The following ARMH1 variants were observed in gnomAD, a reference collection of about 807,000 sequenced individuals.
ARMH1 encodes the protein armadillo-like helical domain containing protein 1.
Under a neutral mutation model 50.2 loss-of-function variants are expected in ARMH1, and 34 were observed. The observed-to-expected ratio is 0.68, with a 90% confidence interval of 0.51 to 0.90. ARMH1 has a LOEUF of 0.90. ARMH1 is among the 40% of genes least tolerant of loss of function. The pLI, the probability that ARMH1 is intolerant of heterozygous loss-of-function variation, is 0.00. For missense variants in ARMH1, 538 were observed against 553.9 expected, an observed-to-expected ratio of 0.97 and a Z score of 0.29; for synonymous variants, 221 against 224.2, an observed-to-expected ratio of 0.99 and a Z score of 0.13.
chr1:44,724,605 A>G lies in ARMH1; in HGVS notation c.987A>G (p.Leu329=), dbSNP rs538640801. ...ELLYLRVVRG[L]MAAMGNTDHS... ...TGTACCTGCGCGTGGTGCGTGGCCT[A>G]ATGGCCGCCATGGGCAACACGGACC... The change falls in exon 9 of 12, where the codon CTA becomes CTG. Residue 329 remains leucine (L), a synonymous_variant. Coordinates refer to ENST00000535358, the MANE Select transcript of ARMH1 (RefSeq NM_001145636.2). The surrounding 1 kb of genome is among the most constrained non-coding windows in gnomAD (Gnocchi z 6.4). The G allele has an allele frequency of 7.3e-6, 11 of 1,516,140 alleles. No homozygotes were observed. The East Asian group carries it at 2.9e-4, about 40-fold the overall frequency. The allele number at this position is 1,516,140 out of a possible 1,614,324, so 93.9% of individuals were successfully genotyped here. A position where few individuals can be genotyped will look rare whatever the true frequency, so the allele number is the denominator to read the frequency against.
At chr1:44,713,851 C>A (rs894664326) in intron 6 of ARMH1, among the ~76,000 whole-genome samples, 1 of 152,178 alleles carries the variant, frequency 6.6e-6, no homozygotes, top group African/African-American at 2.4e-5. Flanking sequence ...CATAGTAATT[C>A]TTTGTCCAGC....
chr1:44,725,359 G>A lies in ARMH1; in HGVS notation c.1279G>A (p.Ala427Thr). 1 of 1,551,746 alleles carries A rather than the reference G, an allele frequency of 6.4e-7. No homozygotes were observed. Among genetic ancestry groups the A allele is most frequent in the African/African-American group, 1.4e-5 (1 of 73,152 alleles). ...LYGSRDSAQM[A>T]YLTHFEEDVE... Reference sequence around the variant, plus strand: ...TGGCTCGCGCGATTCGGCTCAGATGGCCTACCTCACACACTTCGAGGAGGA... The same window carrying A: ...TGGCTCGCGCGATTCGGCTCAGATGACCTACCTCACACACTTCGAGGAGGA... Residue 427 changes from alanine to threonine, a missense_variant, in exon 12 of 12, where the codon GCC (alanine) becomes ACC (threonine). Transcript: ENST00000535358.
chr1:44,684,136 A>G (rs543348269), intron 1 of ARMH1, among the ~76,000 whole-genome samples: 82 of 152,324 alleles, frequency 5.4e-4, no homozygotes, highest in African/African-American at 1.9e-3. Flanking sequence ...CACAGCTAAC[A>G]TCACTTTTTC....
intron 4 of ARMH1, among the ~76,000 whole-genome samples, chr1:44,700,427 C>A (rs756827655): frequency 2.0e-5 from 3 of 152,066 alleles, no homozygotes; most frequent in Non-Finnish European, 4.4e-5. Flanking sequence ...ACCATCCTGG[C>A]TAACACTGTG....
intron 4 of ARMH1, 46 bp downstream of exon 4, chr1:44,698,275 G>A (rs918875364): frequency 5.8e-5 from 86 of 1,487,042 alleles, no homozygotes; most frequent in Non-Finnish European, 7.3e-5. Flanking sequence ...GGGCCTGAAT[G>A]ACATGGTGGC....
intron 6 of ARMH1, among the ~76,000 whole-genome samples, chr1:44,704,928 G>A (rs963325100): frequency 2.7e-5 from 4 of 149,916 alleles, no homozygotes; most frequent in East Asian, 2.0e-4. Flanking sequence ...TCTGCCTCCC[G>A]GGTTCACACC....
chr1:44,675,758 G>T (rs901452461), intron 1 of ARMH1, among the ~76,000 whole-genome samples: 1 of 151,756 alleles, frequency 6.6e-6, no homozygotes, highest in African/African-American at 2.4e-5. Flanking sequence ...TCAGGAGTTC[G>T]AGACCAGCCT....
chr1:44,703,214 C>G (rs115065101), intron 5 of ARMH1, among the ~76,000 whole-genome samples: 2,293 of 152,172 alleles, frequency 0.015, 54 homozygotes, highest in African/African-American at 0.053. Context: ...TCTCCTTGCC[C>G]TGTGTCCTCT....
Position 44,704,165 on chromosome 1 carries a change from A to G in ARMH1, c.716A>G (p.Gln239Arg). ...CTGGGCACGATGCACCTGGAAGTCC[A>G]GTATGAAGGTAGGGAGCCTCCAGAT... ...KVLGTMHLEV[Q>R]YEAIELIKDL... The change falls in exon 6 of 12, where the codon CAG (glutamine) becomes CGG (arginine). Residue 239 changes from glutamine (Q) to arginine (R), a missense_variant. Coordinates refer to ENST00000535358, the MANE Select transcript of ARMH1 (RefSeq NM_001145636.2). 6.4e-7 allele frequency: 1 copy of G among 1,551,152 alleles called. No homozygotes were observed. The highest frequency in any genetic ancestry group is 8.7e-7 in the Non-Finnish European group (1 of 1,146,628).
At chr1:44,687,011 A>T (rs1331097481) in intron 1 of ARMH1, among the ~76,000 whole-genome samples, 1 of 152,194 alleles carries the variant, frequency 6.6e-6, no homozygotes, top group Non-Finnish European at 1.5e-5. Flanking sequence ...ATAAATACAT[A>T]AATATTGCCT....
chr1:44,723,985 C>A, intron 6 of ARMH1, 137 bp from the exon 7 acceptor site: 1 of 1,150,508 alleles, frequency 8.7e-7, no homozygotes, highest in Non-Finnish European at 1.2e-6. Context: ...GCCTTCCCAG[C>A]TCCCCCACGC....
chr1:44,675,876 C>T (rs1195325688), intron 1 of ARMH1, among the ~76,000 whole-genome samples: 2 of 151,514 alleles, frequency 1.3e-5, no homozygotes, highest in Admixed American at 1.3e-4. Flanking sequence ...AGGAGAATGG[C>T]TTGAACCTGG....
chr1:44,717,504 A>G (rs913563579), intron 6 of ARMH1, among the ~76,000 whole-genome samples: 3 of 151,996 alleles, frequency 2.0e-5, no homozygotes, highest in African/African-American at 7.2e-5. Context: ...TCCATCCCCT[A>G]TCATCTCCAC....
chr1:44,693,288 T>C (rs1008661993), intron 2 of ARMH1, among the ~76,000 whole-genome samples: 1 of 152,206 alleles, frequency 6.6e-6, no homozygotes, highest in African/African-American at 2.4e-5. Context: ...GTCCCTAGCT[T>C]TGTGGCCAAA....
chr1:44,725,309 G>C lies in ARMH1; in HGVS notation c.1229G>C (p.Ser410Thr), dbSNP rs1648138261. The change falls in exon 12 of 12, where the codon AGC becomes ACC. Residue 410 changes from serine (S) to threonine (T), a missense_variant. Transcript: ENST00000535358. Reference sequence around the variant, plus strand: ...CCTGCAGCCCTGTGCCTCCATGGCAGCTCCTACAGCATGAACACTCTCTAT... The same window carrying C: ...CCTGCAGCCCTGTGCCTCCATGGCACCTCCTACAGCATGAACACTCTCTAT... ...NVTKALCLHGSSYSMNTLYGS... is the reference protein window; with the variant it reads ...NVTKALCLHGTSYSMNTLYGS... 2.6e-6 allele frequency: 4 copies of C among 1,551,716 alleles called. No homozygotes were observed. The highest frequency in any genetic ancestry group is 1.2e-5 in the South Asian group (1 of 84,066).
intron 6 of ARMH1, among the ~76,000 whole-genome samples, chr1:44,707,251 G>A (rs1646386549): frequency 6.8e-6 from 1 of 147,374 alleles, no homozygotes; most frequent in African/African-American, 2.7e-5. Flanking sequence ...TGTTTGCTGA[G>A]TGAGTGAGTG....
intron 2 of ARMH1, among the ~76,000 whole-genome samples, chr1:44,692,450 T>G (rs1645688570): frequency 1.3e-5 from 2 of 152,126 alleles, no homozygotes; most frequent in Non-Finnish European, 2.9e-5. Context: ...TTAATATCTC[T>G]CTTTCCCCCC....
chr1:44,677,945 T>C (rs572436180), intron 1 of ARMH1, among the ~76,000 whole-genome samples: 1 of 152,030 alleles, frequency 6.6e-6, no homozygotes, highest in African/African-American at 2.4e-5. Context: ...ATCCTGGGGG[T>C]GTAAGAATCT....
At chr1:44,697,195 T>TG (rs1026280876) in intron 3 of ARMH1, 25 bp downstream of exon 3, 11 of 1,535,224 alleles carry the variant, frequency 7.2e-6, no homozygotes, top group Middle Eastern at 1.7e-4. Context: ...AGCGTGATTC[T>TG]GGGGGTCTCA....
Sources: gnomAD v4.1 joint callset for allele counts (sites outside exome capture counted in the v4.1 genomes callset) on GRCh38, gnomAD v4.1.1 for gene constraint, Gnocchi (gnomAD v3.1) non-coding constraint, MANE v1.5 for transcripts, NCBI Gene and HGNC (gene_info 2026-07-23, HGNC 2026-07-21) for gene names.